Variants in IQCM observed in about 807,000 individuals in gnomAD.
IQCM encodes IQ motif containing M.
A neutral mutation model predicts 57.6 loss-of-function variants in IQCM; 45 were observed. The observed-to-expected ratio is 0.78, with a 90% confidence interval of 0.62 to 1.00. The LOEUF (loss-of-function observed/expected upper bound fraction) is 1.00. IQCM is among the 50% of genes least tolerant of loss of function. The probability of loss-of-function intolerance (pLI) is 0.00; values close to 1 mark genes in which losing one functional copy is unlikely to be tolerated. For synonymous variants in IQCM, 148 were observed against 158.9 expected, an observed-to-expected ratio of 0.93 and a Z score of 0.51; for missense variants, 468 against 511.6, an observed-to-expected ratio of 0.91 and a Z score of 0.82.
At chr4:149,357,639 C>A (rs58457351) in intron 13 of IQCM, among the ~76,000 whole-genome samples, 1 of 152,106 alleles carries the variant, frequency 6.6e-6, no homozygotes, top group African/African-American at 2.4e-5. Flanking sequence ...TTGCTGGATA[C>A]GTTTTGCCAG....
At chr4:149,397,928 A>G (rs1025237808) in intron 13 of IQCM, among the ~76,000 whole-genome samples, 3 of 151,884 alleles carry the variant, frequency 2.0e-5, no homozygotes, top group African/African-American at 7.2e-5. Context: ...TTTTAGTTTA[A>G]TGCAGTCCTA....
At chr4:149,594,103 G>T (rs887842186) in intron 8 of IQCM, among the ~76,000 whole-genome samples, 15 of 152,074 alleles carry the variant, frequency 9.9e-5, no homozygotes, top group African/African-American at 3.6e-4. Context: ...ATTTTTGATT[G>T]GTAGGCTATT....
chr4:149,377,849 C>T lies in IQCM; in HGVS notation c.1391-25783G>A, dbSNP rs191284262. 5.3e-4 allele frequency among the ~76,000 whole-genome samples: 81 copies of T among 152,240 alleles called. 1 individual carries two copies. The South Asian group carries it at 0.016, about 30-fold the overall frequency. ...AAAATCCTCACCTGTCCTTCCAGAGCTGGGTTAGCAGAACACAACTGCCTA... is the reference window on the plus strand; with the variant it reads ...AAAATCCTCACCTGTCCTTCCAGAGTTGGGTTAGCAGAACACAACTGCCTA... On this transcript the variant is annotated intron_variant, in intron 13 of 13. Transcript: ENST00000636793.
At chr4:149,568,377 A>G (rs921806073) in intron 9 of IQCM, among the ~76,000 whole-genome samples, 1 of 152,138 alleles carries the variant, frequency 6.6e-6, no homozygotes. Flanking sequence ...AATGGTCCAT[A>G]TTTTTGTCTA....
intron 12 of IQCM, among the ~76,000 whole-genome samples, chr4:149,470,565 G>A (rs1739409705): frequency 1.3e-5 from 2 of 152,060 alleles, no homozygotes; most frequent in African/African-American, 2.4e-5. Context: ...ACAGATCAAC[G>A]AGACAGAAAG....
intron 13 of IQCM, among the ~76,000 whole-genome samples, chr4:149,356,387 T>G (rs1371035961): frequency 2.0e-5 from 3 of 151,482 alleles, no homozygotes; most frequent in South Asian, 4.2e-4. Context: ...GGTCTAACAT[T>G]TAAGTCTTTA....
intron 12 of IQCM, among the ~76,000 whole-genome samples, chr4:149,539,928 C>T (rs1747684067): frequency 1.3e-5 from 2 of 152,018 alleles, no homozygotes; most frequent in Admixed American, 1.3e-4. Flanking sequence ...CTAATAAGTG[C>T]CAATAAGTCC....
intron 10 of IQCM, among the ~76,000 whole-genome samples, chr4:149,560,683 G>A (rs1750036438): frequency 6.6e-6 from 1 of 152,148 alleles, no homozygotes; most frequent in Admixed American, 6.5e-5. Flanking sequence ...TGACAGGTAA[G>A]ATAATTTGAT....
At chr4:149,438,621 T>C (rs1233024256) in intron 12 of IQCM, among the ~76,000 whole-genome samples, 2 of 152,102 alleles carry the variant, frequency 1.3e-5, no homozygotes, top group African/African-American at 4.8e-5. Context: ...TGTTCATTAG[T>C]AATATTTAAA....
chr4:149,371,873 G>C (rs555552711), intron 13 of IQCM, among the ~76,000 whole-genome samples: 8 of 152,022 alleles, frequency 5.3e-5, no homozygotes, highest in Admixed American at 2.6e-4. Flanking sequence ...TCTAAGGATG[G>C]CCATTCCTAA....
At chr4:149,482,709 A>G (rs1741041410) in intron 12 of IQCM, among the ~76,000 whole-genome samples, 1 of 151,276 alleles carries the variant, frequency 6.6e-6, no homozygotes, top group African/African-American at 2.4e-5. Context: ...TTGCATCAAT[A>G]TTCATCAGAG....
chr4:149,571,100 A>T (rs577829922), intron 9 of IQCM, among the ~76,000 whole-genome samples: 2 of 152,226 alleles, frequency 1.3e-5, no homozygotes, highest in South Asian at 4.1e-4. Context: ...TCCTCAAAAA[A>T]TTAAAAACAG....
At chr4:149,485,834 C>T (rs936238297) in intron 12 of IQCM, among the ~76,000 whole-genome samples, 2 of 152,024 alleles carry the variant, frequency 1.3e-5, no homozygotes, top group Non-Finnish European at 2.9e-5. Flanking sequence ...GTCTGGGCTG[C>T]CATTTTGGGA....
At chr4:149,442,543 C>CTGCTTAA (rs1358660238) in intron 12 of IQCM, among the ~76,000 whole-genome samples, 1 of 152,006 alleles carries the variant, frequency 6.6e-6, no homozygotes, top group Non-Finnish European at 1.5e-5. Context: ...GACATTATTC[C>CTGCTTAA]ACTAATTAAG....
intron 13 of IQCM, among the ~76,000 whole-genome samples, chr4:149,399,257 C>G (rs920620757): frequency 6.6e-6 from 1 of 151,998 alleles, no homozygotes; most frequent in Admixed American, 6.6e-5. Flanking sequence ...TTTCACACCA[C>G]CCTACTTAAA....
At chr4:149,441,559 C>A (rs544156346) in intron 12 of IQCM, among the ~76,000 whole-genome samples, 2 of 152,252 alleles carry the variant, frequency 1.3e-5, no homozygotes, top group South Asian at 2.1e-4. Context: ...GGGTTAGCAG[C>A]TGAGTCATTT....
intron 7 of IQCM, among the ~76,000 whole-genome samples, chr4:149,657,548 G>A (rs893229387): frequency 2.0e-5 from 3 of 152,108 alleles, no homozygotes; most frequent in Non-Finnish European, 4.4e-5. Context: ...GCTGGATCAT[G>A]TCAGGTCTAT....
chr4:149,791,553 T>A (rs992767215), intron 2 of IQCM, among the ~76,000 whole-genome samples: 5 of 152,182 alleles, frequency 3.3e-5, no homozygotes, highest in African/African-American at 4.8e-5. Flanking sequence ...CTGTTCCCAC[T>A]AACCATTCCC....
intron 12 of IQCM, among the ~76,000 whole-genome samples, chr4:149,481,589 CAA>C (rs1306508844): frequency 2.7e-5 from 4 of 150,248 alleles, no homozygotes; most frequent in African/African-American, 7.3e-5. Context: ...TCTGAGTTTT[CAA>C]TTCTGTTCCA....
Sources: allele counts gnomAD v4.1 joint callset (sites outside exome capture counted in the v4.1 genomes callset), GRCh38; gene constraint gnomAD v4.1.1; transcripts MANE v1.5; gene names NCBI Gene and HGNC (gene_info 2026-07-23, HGNC 2026-07-21).